Variants in CAMK2B observed in about 807,000 individuals in gnomAD.
CAMK2B encodes calcium/calmodulin dependent protein kinase II beta, also known as calcium/calmodulin-dependent protein kinase type II subunit beta.
In CAMK2B, 27 loss-of-function variants were observed where a neutral mutation model predicts 93.7. That is an observed-to-expected ratio of 0.29 (90% CI 0.21 to 0.40). The LOEUF (loss-of-function observed/expected upper bound fraction) is 0.40, where lower values mean the gene tolerates loss of function less well. CAMK2B is among the 10% of genes least tolerant of loss of function. The probability of loss-of-function intolerance (pLI) is 1.00; values close to 1 mark genes in which losing one functional copy is unlikely to be tolerated. For synonymous variants in CAMK2B, 374 were observed against 358.8 expected (o/e 1.04, Z -0.48); for missense variants, 568 against 895.8 (o/e 0.63, Z 4.67).
At chr7:44,308,660 T>A (rs1243473063) in intron 1 of CAMK2B, among the ~76,000 whole-genome samples, 1 of 152,064 alleles carries the variant, frequency 6.6e-6, no homozygotes, top group African/African-American at 2.4e-5. Context: ...AGGAGTGACA[T>A]TACAGAGAGA....
chr7:44,300,121 T>C (rs1789543555), intron 1 of CAMK2B, among the ~76,000 whole-genome samples: 1 of 151,580 alleles, frequency 6.6e-6, no homozygotes, highest in Non-Finnish European at 1.5e-5. Context: ...AGCACAATCA[T>C]GGCTCACTGC....
At chr7:44,291,116 A>T (rs1245360701) in intron 1 of CAMK2B, among the ~76,000 whole-genome samples, 3 of 152,174 alleles carry the variant, frequency 2.0e-5, no homozygotes, top group East Asian at 1.9e-4. Flanking sequence ...CAACAGTGTG[A>T]TCTGACAGTT....
intron 13 of CAMK2B, among the ~76,000 whole-genome samples, chr7:44,235,934 C>A (rs1189882947): frequency 6.6e-6 from 1 of 152,214 alleles, no homozygotes; most frequent in Non-Finnish European, 1.5e-5. Context: ...GACAGACAGG[C>A]ACGTTTCAAC....
intron 1 of CAMK2B, among the ~76,000 whole-genome samples, chr7:44,301,072 A>G (rs1199722575): frequency 1.3e-5 from 2 of 152,248 alleles, no homozygotes; most frequent in Non-Finnish European, 1.5e-5. Flanking sequence ...AATATTTTGA[A>G]CTAAATGAAA....
At position 44,305,774 on chromosome 7, in the gene CAMK2B, C is replaced by T. The variant is rs77295736; in HGVS notation, c.65+19583G>A. 6.1e-3 allele frequency among the ~76,000 whole-genome samples: 935 copies of T among 152,346 alleles called. 16 individuals are homozygous for T. The highest frequency in any genetic ancestry group is 0.021 in the African/African-American group (892 of 41,572). On this transcript the variant is annotated intron_variant, in intron 1 of 23. Transcript: ENST00000395749. ...CTTGGCTCACTCCATCACTCGGTCACGCTGGCTGGGCCAAGGCAGAGGCAG... is the reference window on the plus strand; with the variant it reads ...CTTGGCTCACTCCATCACTCGGTCATGCTGGCTGGGCCAAGGCAGAGGCAG...
Position 44,225,687 on chromosome 7 carries a change from G to T in CAMK2B, c.1597+829C>A. 7.9e-7 allele frequency: 1 copy of T among 1,257,968 alleles called. No individual in the cohort carries two copies. Among genetic ancestry groups the T allele is most frequent in the African/African-American group, 1.5e-5 (1 of 65,364 alleles). 77.9% of individuals were successfully genotyped at this position (1,257,968 alleles called of 1,614,324 possible). A position where few individuals can be genotyped will look rare whatever the true frequency, so the allele number is the denominator to read the frequency against. On this transcript the variant is annotated intron_variant, in intron 20 of 23. Coordinates refer to ENST00000395749, the MANE Select transcript of CAMK2B (RefSeq NM_001220.5). The surrounding 1 kb of genome is among the most constrained non-coding windows in gnomAD (Gnocchi z 5.0). ...CTCCCCACACCCTTCTGCCCTGGCCGCCTGCAGCAGCCCCCAGGCCCAGCC... is the reference window on the plus strand; with the variant it reads ...CTCCCCACACCCTTCTGCCCTGGCCTCCTGCAGCAGCCCCCAGGCCCAGCC...
chr7:44,313,986 G>A (rs1158797703), intron 1 of CAMK2B, among the ~76,000 whole-genome samples: 1 of 151,928 alleles, frequency 6.6e-6, no homozygotes, highest in Non-Finnish European at 1.5e-5. Flanking sequence ...TGAAGATTAG[G>A]GGAGGCCGCC....
At chr7:44,300,430 G>A (rs529166270) in intron 1 of CAMK2B, among the ~76,000 whole-genome samples, 1 of 151,878 alleles carries the variant, frequency 6.6e-6, no homozygotes, top group East Asian at 1.9e-4. Context: ...CTGAAGTGCT[G>A]TGATTACATG....
At chr7:44,242,712 C>A in intron 8 of CAMK2B, 58 bp from the exon 9 acceptor site, 1 of 1,231,650 alleles carries the variant, frequency 8.1e-7, no homozygotes, top group South Asian at 1.3e-5. Context: ...GTCCATGAAG[C>A]CCATGCCCTG....
chr7:44,236,827 C>T (rs2096630533), intron 13 of CAMK2B, among the ~76,000 whole-genome samples: 1 of 152,222 alleles, frequency 6.6e-6, no homozygotes, highest in South Asian at 2.1e-4. Context: ...CTGAGGGATC[C>T]TGTCCTTGCT....
intron 1 of CAMK2B, among the ~76,000 whole-genome samples, chr7:44,319,316 ATC>A (rs1795507644): frequency 1.3e-5 from 2 of 152,222 alleles, no homozygotes; most frequent in Non-Finnish European, 2.9e-5. Flanking sequence ...TTGCACACTT[ATC>A]TCCACCTGGT....
In CAMK2B at chr7:44,255,130, C is replaced by T. The variant is rs150720112; in HGVS notation, c.276-523G>A. ...CGCACAGGATCAGAGCCTAAAGACACGGTGCCTAAATCTGGTCTCCTTGGT... is the reference window on the plus strand; with the variant it reads ...CGCACAGGATCAGAGCCTAAAGACATGGTGCCTAAATCTGGTCTCCTTGGT... On this transcript the variant is annotated intron_variant, in intron 4 of 23. Coordinates refer to ENST00000395749, the MANE Select transcript of CAMK2B (RefSeq NM_001220.5). Among the ~76,000 whole-genome samples the T allele has an allele frequency of 7.8e-4, 119 of 152,192 alleles. 1 individual carries two copies. Among genetic ancestry groups the T allele is most frequent in the African/African-American group, 2.6e-3 (109 of 41,546 alleles).
At chr7:44,249,079 A>C (rs552783521) in intron 5 of CAMK2B, among the ~76,000 whole-genome samples, 53 of 152,238 alleles carry the variant, frequency 3.5e-4, no homozygotes, top group African/African-American at 1.2e-3. Context: ...ACTCCTGTAG[A>C]GGGCTGTGTC....
At chr7:44,256,005 T>TG (rs67113021) in intron 4 of CAMK2B, among the ~76,000 whole-genome samples, 45,251 of 152,022 alleles carry the variant, frequency 0.3, 7,685 homozygotes, top group Non-Finnish European at 0.39. Flanking sequence ...CTGTCCAGGC[T>TG]GGGGCTGGGG....
chr7:44,241,829 G>A, intron 10 of CAMK2B, 46 bp from the exon 11 acceptor site: 1 of 1,507,974 alleles, frequency 6.6e-7, no homozygotes, highest in Non-Finnish European at 9.2e-7. Context: ...CCGAGGCACA[G>A]GGGAGAGGCC....
At chr7:44,262,947 G>A (rs2096892116) in intron 3 of CAMK2B, 58 bp downstream of exon 3, 2 of 1,434,830 alleles carry the variant, frequency 1.4e-6, no homozygotes, top group African/African-American at 2.8e-5. Context: ...AACCGGAATG[G>A]GCTGCTGTCC....
intron 2 of CAMK2B, among the ~76,000 whole-genome samples, chr7:44,283,864 C>G (rs1432504034): frequency 1.3e-5 from 2 of 152,210 alleles, no homozygotes; most frequent in Non-Finnish European, 2.9e-5. Context: ...AAAGGTGCAT[C>G]CAAGGGTCTG....
intron 11 of CAMK2B, 52 bp from the exon 12 acceptor site, chr7:44,240,801 G>T (rs2096671025): frequency 2.5e-6 from 4 of 1,592,654 alleles, no homozygotes; most frequent in Non-Finnish European, 3.4e-6. Context: ...GTTCCCTGCT[G>T]GCTTCTGGCC....
At chr7:44,239,773 G>T in intron 12 of CAMK2B, 110 bp from the exon 13 acceptor site, 1 of 784,154 alleles carries the variant, frequency 1.3e-6, no homozygotes. Flanking sequence ...GAAGATTAGA[G>T]TTAAAGTTTA....
Sources: allele counts gnomAD v4.1 joint callset (sites outside exome capture counted in the v4.1 genomes callset), GRCh38; gene constraint gnomAD v4.1.1; non-coding constraint Gnocchi (gnomAD v3.1); transcripts MANE v1.5; gene names NCBI Gene and HGNC (gene_info 2026-07-23, HGNC 2026-07-21).